Variants in SREK1IP1 observed in about 807,000 individuals in gnomAD.
SREK1IP1 encodes SREK1 interacting protein 1, also known as protein SREK1IP1.
In SREK1IP1, 12 loss-of-function variants were observed where a neutral mutation model predicts 22.8. The ratio of observed to expected loss-of-function variants is 0.53; its 90% CI spans 0.34 to 0.85. The LOEUF (loss-of-function observed/expected upper bound fraction) is 0.85. Ranked by LOEUF, SREK1IP1 falls within the 40% of genes least tolerant of loss-of-function variation. SREK1IP1 has a pLI of 0.02. For synonymous variants in SREK1IP1, 53 were observed against 52.7 expected (o/e 1.01, Z -0.02); for missense variants, 147 against 171.8 (o/e 0.86, Z 0.81).
At chr5:64,731,185 A>C (rs1742372048) in intron 3 of SREK1IP1, among the ~76,000 whole-genome samples, 1 of 152,144 alleles carries the variant, frequency 6.6e-6, no homozygotes, top group South Asian at 2.1e-4. Flanking sequence ...GGAGAAGATG[A>C]GTTAGGGTGT....
At chr5:64,740,993 G>C (rs931285636) in intron 3 of SREK1IP1, 64 bp downstream of exon 3, 61 of 1,421,986 alleles carry the variant, frequency 4.3e-5, no homozygotes, top group Non-Finnish European at 5.6e-5. Context: ...ATAATGGAAA[G>C]CATGATATAA....
At chr5:64,732,902 C>A (rs1406689325) in intron 3 of SREK1IP1, among the ~76,000 whole-genome samples, 2 of 149,740 alleles carry the variant, frequency 1.3e-5, no homozygotes, top group Non-Finnish European at 3.0e-5. Flanking sequence ...ACAAATAGAA[C>A]CAACTGATTT....
At chr5:64,762,664 C>G (rs1039458663) in intron 1 of SREK1IP1, among the ~76,000 whole-genome samples, 1 of 152,090 alleles carries the variant, frequency 6.6e-6, no homozygotes, top group African/African-American at 2.4e-5. Context: ...AACATTAATA[C>G]TTCGTTAATT....
chr5:64,751,466 T>C (rs1459443464), intron 2 of SREK1IP1, among the ~76,000 whole-genome samples: 1 of 152,136 alleles, frequency 6.6e-6, no homozygotes, highest in African/African-American at 2.4e-5. Flanking sequence ...ATTGACAAAT[T>C]CAGCAATGGC....
At position 64,757,861 on chromosome 5, in the gene SREK1IP1, C is replaced by CTTTTTTTTT. The variant is rs59456636; in HGVS notation, c.14-3508_14-3500dup. 2.5e-4 allele frequency among the ~76,000 whole-genome samples: 18 copies of CTTTTTTTTT among 72,962 alleles called. 1 individual carries two copies. Among genetic ancestry groups the CTTTTTTTTT allele is most frequent in the East Asian group, 1.9e-3 (4 of 2,154 alleles). The allele number at this position is 72,962 out of a possible 152,430, so 47.9% of individuals were successfully genotyped here. On this transcript the variant is annotated intron_variant, in intron 1 of 4. Transcript: ENST00000513458. Reference sequence around the variant, plus strand: ...GCTACTGTTTCTATTAGGTTCCTATCTTTTTTTTTTTTTTTTTTTTTTTTT... The same window carrying CTTTTTTTTT: ...GCTACTGTTTCTATTAGGTTCCTATCTTTTTTTTTTTTTTTTTTTTTTTTTTTTTTTTTT...
At chr5:64,745,518 G>A (rs1455745979) in intron 2 of SREK1IP1, among the ~76,000 whole-genome samples, 2 of 151,970 alleles carry the variant, frequency 1.3e-5, no homozygotes, top group Admixed American at 6.6e-5. Flanking sequence ...GAACCTGGGA[G>A]GTGGAGGTTG....
chr5:64,734,492 C>T (rs1554064620), intron 3 of SREK1IP1, among the ~76,000 whole-genome samples: 2 of 150,160 alleles, frequency 1.3e-5, no homozygotes, highest in Non-Finnish European at 3.0e-5. Flanking sequence ...ATTGTGATTC[C>T]TTTTTTTTTA....
intron 1 of SREK1IP1, among the ~76,000 whole-genome samples, chr5:64,762,774 A>T (rs1349942480): frequency 6.6e-6 from 1 of 152,206 alleles, no homozygotes; most frequent in African/African-American, 2.4e-5. Context: ...TTCATAGGCC[A>T]GGTGTGGTGG....
intron 1 of SREK1IP1, among the ~76,000 whole-genome samples, chr5:64,755,283 T>C (rs577780840): frequency 1.3e-5 from 2 of 152,208 alleles, no homozygotes; most frequent in South Asian, 4.1e-4. Context: ...GCAGCATTAT[T>C]TACAACAGCA....
intron 1 of SREK1IP1, among the ~76,000 whole-genome samples, chr5:64,763,173 T>G (rs970047031): frequency 2.6e-5 from 4 of 152,144 alleles, no homozygotes; most frequent in African/African-American, 4.8e-5. Context: ...TATACTGATA[T>G]GAAATGTATA....
chr5:64,722,250 A>G lies in SREK1IP1; in HGVS notation c.*2134T>C, dbSNP rs1377259691. 2 of 152,170 alleles carry G rather than the reference A, an allele frequency of 1.3e-5. No homozygotes were observed. Among genetic ancestry groups the G allele is most frequent in the East Asian group, 3.8e-4 (2 of 5,198 alleles). The allele number at this position is 152,170 out of a possible 1,614,324, so 9.4% of individuals were successfully genotyped here. ...ATCATTAAAATATTTTAATTTGCAT[A>G]CTACATTAGTTAACGAGGACTGACT... On this transcript the variant is annotated 3_prime_UTR_variant, in exon 5 of 5. Transcript: ENST00000513458.
chr5:64,726,575 CAA>C (rs1267636357), intron 4 of SREK1IP1, among the ~76,000 whole-genome samples: 26 of 54,694 alleles, frequency 4.8e-4, no homozygotes, highest in Admixed American at 6.4e-4. Flanking sequence ...GACTCTGTCT[CAA>C]AAAAAAAAAA....
intron 1 of SREK1IP1, among the ~76,000 whole-genome samples, chr5:64,757,706 T>C (rs1452812173): frequency 2.0e-5 from 3 of 152,226 alleles, no homozygotes; most frequent in African/African-American, 7.2e-5. Context: ...TTACGGTCAC[T>C]TCACAACTCA....
chr5:64,759,715 G>T (rs113380867), intron 1 of SREK1IP1, among the ~76,000 whole-genome samples: 1 of 152,146 alleles, frequency 6.6e-6, no homozygotes, highest in East Asian at 1.9e-4. Flanking sequence ...TCACAGAAAC[G>T]GAAATAGAAA....
chr5:64,718,245 A>G lies in SREK1IP1; in HGVS notation c.*6139T>C, dbSNP rs879131847. The G allele has an allele frequency of 7.4e-6, 3 of 404,370 alleles. No homozygotes were observed. Among genetic ancestry groups the G allele is most frequent in the Admixed American group, 8.9e-5 (2 of 22,556 alleles). The allele number at this position is 404,370 out of a possible 1,614,324, so 25.0% of individuals were successfully genotyped here. ...GCTAATTAAGATGTTTCTGTATCAC[A>G]TGAGATTATGCTAATTATTCAGGAG... On this transcript the variant is annotated 3_prime_UTR_variant, in exon 5 of 5. Transcript: ENST00000513458.
At chr5:64,760,192 A>T (rs1441367127) in intron 1 of SREK1IP1, among the ~76,000 whole-genome samples, 1 of 152,256 alleles carries the variant, frequency 6.6e-6, no homozygotes, top group Non-Finnish European at 1.5e-5. Context: ...AAAAAAAGCA[A>T]GGTGCAGAAC....
At chr5:64,727,926 A>T (rs1742303059) in intron 4 of SREK1IP1, 181 bp downstream of exon 4, 1 of 470,216 alleles carries the variant, frequency 2.1e-6, no homozygotes, top group South Asian at 9.6e-5. Context: ...CAAATATTTT[A>T]GTCAATTTCA....
chr5:64,750,623 C>G (rs184320453), intron 2 of SREK1IP1, among the ~76,000 whole-genome samples: 10 of 152,300 alleles, frequency 6.6e-5, no homozygotes, highest in Non-Finnish European at 1.3e-4. Context: ...TGTCTCAAAA[C>G]ATTCATCACT....
intron 2 of SREK1IP1, among the ~76,000 whole-genome samples, chr5:64,752,754 A>C (rs1446864977): frequency 6.6e-6 from 1 of 152,190 alleles, no homozygotes; most frequent in East Asian, 1.9e-4. Context: ...TCTTACCTTT[A>C]TACAAGCAAT....
Sources: gnomAD v4.1 joint callset for allele counts (sites outside exome capture counted in the v4.1 genomes callset) on GRCh38, gnomAD v4.1.1 for gene constraint, MANE v1.5 for transcripts, NCBI Gene and HGNC (gene_info 2026-07-23, HGNC 2026-07-21) for gene names.